Variants in WDFY2 observed in about 807,000 individuals in gnomAD.
WDFY2 encodes the protein WD repeat and FYVE domain containing 2, also known as WD repeat and FYVE domain-containing protein 2.
In WDFY2, 36 loss-of-function variants were observed where a neutral mutation model predicts 56.4. The ratio of observed to expected loss-of-function variants is 0.64; its 90% CI spans 0.49 to 0.84. WDFY2 has a LOEUF of 0.84. Ranked by LOEUF, WDFY2 falls within the 40% of genes least tolerant of loss-of-function variation. WDFY2 has a pLI of 0.00. For synonymous variants in WDFY2, 176 were observed against 183.7 expected (o/e 0.96, Z 0.34); for missense variants, 444 against 512.2 (o/e 0.87, Z 1.29).
intron 1 of WDFY2, chr13:51,587,457 A>T (rs925381881): frequency 6.6e-6 from 1 of 152,108 alleles, no homozygotes; most frequent in Non-Finnish European, 1.5e-5. Flanking sequence ...ACTACTGTAG[A>T]CTTTTAGTTG....
At chr13:51,716,242 A>G (rs1952343501) in intron 4 of WDFY2, among the ~76,000 whole-genome samples, 1 of 152,152 alleles carries the variant, frequency 6.6e-6, no homozygotes, top group African/African-American at 2.4e-5. Context: ...GGGAATATAG[A>G]GTTTCATTTT....
At chr13:51,667,852 A>G (rs1026519697) in intron 2 of WDFY2, among the ~76,000 whole-genome samples, 3 of 148,776 alleles carry the variant, frequency 2.0e-5, no homozygotes, top group African/African-American at 5.0e-5. Flanking sequence ...TGTATTTACT[A>G]AGAAGAAAAA....
At chr13:51,641,825 C>CAAAAAAAA (rs750489541) in intron 1 of WDFY2, among the ~76,000 whole-genome samples, 1 of 37,418 alleles carries the variant, frequency 2.7e-5, no homozygotes, top group East Asian at 7.9e-4. Flanking sequence ...GACTCCGTCT[C>CAAAAAAAA]AAAAAAAAAA....
At chr13:51,640,352 A>G (rs762888436) in intron 1 of WDFY2, among the ~76,000 whole-genome samples, 1 of 152,244 alleles carries the variant, frequency 6.6e-6, no homozygotes, top group Non-Finnish European at 1.5e-5. Context: ...AAATAGCAAT[A>G]TATCCGTCAT....
chr13:51,647,227 G>A (rs1242001091), intron 1 of WDFY2, among the ~76,000 whole-genome samples: 1 of 152,142 alleles, frequency 6.6e-6, no homozygotes, highest in Non-Finnish European at 1.5e-5. Context: ...TACATTCTGA[G>A]ACATATGTCA....
At chr13:51,747,432 G>A (rs1953128710) in intron 7 of WDFY2, among the ~76,000 whole-genome samples, 1 of 152,164 alleles carries the variant, frequency 6.6e-6, no homozygotes, top group Non-Finnish European at 1.5e-5. Flanking sequence ...ACTTAACATA[G>A]AGCAGGCTGA....
intron 6 of WDFY2, among the ~76,000 whole-genome samples, chr13:51,737,869 A>G (rs1244502349): frequency 3.3e-5 from 5 of 152,312 alleles, no homozygotes; most frequent in South Asian, 4.1e-4. Flanking sequence ...TTATTCTTAC[A>G]TGAGCAGGAG....
At chr13:51,632,495 G>A (rs1954971555) in intron 1 of WDFY2, among the ~76,000 whole-genome samples, 1 of 151,466 alleles carries the variant, frequency 6.6e-6, no homozygotes, top group South Asian at 2.1e-4. Context: ...TTGTTTTCTT[G>A]TGCTTTCTGG....
rs1012780819 is a variant in WDFY2, at chr13:51,651,726, T to G, written c.138-8870T>G. 2.6e-5 allele frequency among the ~76,000 whole-genome samples: 4 copies of G among 152,288 alleles called. No homozygotes were observed. In the South Asian group the frequency reaches 6.2e-4, roughly 24 times the overall value. ...TCAGTTTCCATGTAGTTGGGCAGTTTTGAGTGAGTTTCTTAATGCTGAGTT... is the reference window on the plus strand; with the variant it reads ...TCAGTTTCCATGTAGTTGGGCAGTTGTGAGTGAGTTTCTTAATGCTGAGTT... On this transcript the variant is annotated intron_variant, in intron 1 of 11. Coordinates refer to ENST00000298125, the MANE Select transcript of WDFY2 (RefSeq NM_052950.4).
intron 5 of WDFY2, among the ~76,000 whole-genome samples, chr13:51,722,291 G>A (rs149291449): frequency 2.4e-4 from 36 of 152,092 alleles, no homozygotes; most frequent in African/African-American, 7.2e-4. Flanking sequence ...TCTTTCAGGC[G>A]TCTTAGTGGA....
At chr13:51,756,275 G>A (rs1297071597) in intron 9 of WDFY2, 57 bp from the exon 10 acceptor site, 1 of 1,563,506 alleles carries the variant, frequency 6.4e-7, no homozygotes, top group Admixed American at 1.8e-5. Flanking sequence ...GTGAGATGCG[G>A]GGGCCTCAGG....
intron 3 of WDFY2, among the ~76,000 whole-genome samples, chr13:51,690,801 C>T (rs574058248): frequency 6.6e-6 from 1 of 152,322 alleles, no homozygotes; most frequent in Non-Finnish European, 1.5e-5. Context: ...AACTAGTTTA[C>T]AGTCCCACCA....
intron 1 of WDFY2, among the ~76,000 whole-genome samples, chr13:51,651,491 G>C (rs1593935412): frequency 6.6e-6 from 1 of 151,966 alleles, no homozygotes; most frequent in Non-Finnish European, 1.5e-5. Flanking sequence ...TTCTGTAGTT[G>C]TTTTAATTGT....
intron 1 of WDFY2, among the ~76,000 whole-genome samples, chr13:51,632,700 C>T (rs1028150895): frequency 1.3e-5 from 2 of 152,186 alleles, no homozygotes; most frequent in African/African-American, 2.4e-5. Flanking sequence ...TTAAATCTCA[C>T]TGAGAAAATT....
intron 1 of WDFY2, among the ~76,000 whole-genome samples, chr13:51,620,527 T>G (rs1186045752): frequency 6.6e-6 from 1 of 152,020 alleles, no homozygotes; most frequent in Non-Finnish European, 1.5e-5. Context: ...CCTGAAACCT[T>G]TGTAGTGGCA....
chr13:51,706,945 T>C (rs1593434752), intron 4 of WDFY2, among the ~76,000 whole-genome samples: 1 of 152,114 alleles, frequency 6.6e-6, no homozygotes, highest in African/African-American at 2.4e-5. Flanking sequence ...TAACATAATA[T>C]GTTAAATGAT....
At chr13:51,750,568 AC>A (rs1953209710) in intron 7 of WDFY2, among the ~76,000 whole-genome samples, 1 of 151,428 alleles carries the variant, frequency 6.6e-6, no homozygotes, top group Non-Finnish European at 1.5e-5. Flanking sequence ...GAAACTATGT[AC>A]CCTATTCTCT....
chr13:51,609,697 GA>G (rs1263935459), intron 1 of WDFY2, among the ~76,000 whole-genome samples: 1 of 126,384 alleles, frequency 7.9e-6, no homozygotes, highest in Non-Finnish European at 1.6e-5. Flanking sequence ...GTGATTAAAA[GA>G]AAAAAAATAG....
chr13:51,630,747 A>AT (rs559251788), intron 1 of WDFY2, among the ~76,000 whole-genome samples: 10 of 134,936 alleles, frequency 7.4e-5, no homozygotes, highest in South Asian at 2.4e-4. Context: ...TTTCACTGAA[A>AT]TTTTTTTTTT....
Sources: allele counts gnomAD v4.1 joint callset (sites outside exome capture counted in the v4.1 genomes callset), GRCh38; gene constraint gnomAD v4.1.1; transcripts MANE v1.5; gene names NCBI Gene and HGNC (gene_info 2026-07-23, HGNC 2026-07-21).